Variants in ZNF536 observed in about 807,000 individuals in gnomAD.
ZNF536 encodes the protein zinc finger protein 536.
ZNF536 carries 13 observed loss-of-function variants against 84.5 expected under a neutral mutation model. The observed-to-expected ratio is 0.15, with a 90% CI of 0.10 to 0.24. The LOEUF (loss-of-function observed/expected upper bound fraction) is 0.24. Ranked by LOEUF, ZNF536 falls within the 10% of genes least tolerant of loss-of-function variation. ZNF536 has a pLI of 1.00. For synonymous variants in ZNF536, 811 were observed against 742.5 expected (o/e 1.09, Z -1.50); for missense variants, 1,536 against 1,747.5 (o/e 0.88, Z 2.16).
intron 2 of ZNF536, among the ~76,000 whole-genome samples, chr19:30,481,028 CAAAAA>C: frequency 8.8e-6 from 1 of 114,174 alleles, no homozygotes; most frequent in African/African-American, 2.8e-5. Flanking sequence ...GACCCTGTCT[CAAAAA>C]AAAAAAAAAA....
chr19:30,658,428 C>G (rs1047757574), intron 1 of ZNF536, among the ~76,000 whole-genome samples: 1 of 152,152 alleles, frequency 6.6e-6, no homozygotes, highest in Non-Finnish European at 1.5e-5. Flanking sequence ...CTGCTCCAAC[C>G]CACAGATCTT....
chr19:30,362,936 G>A (rs1380422769), intron 3 of ZNF536, among the ~76,000 whole-genome samples: 3 of 152,088 alleles, frequency 2.0e-5, no homozygotes, highest in Admixed American at 1.3e-4. Flanking sequence ...GTGCGTGCCT[G>A]TAGTCTCAGC....
Position 30,534,881 on chromosome 19 carries a change from C to G in ZNF536, c.2205C>G (p.Val735=), listed in dbSNP as rs948570135. 1 of 1,613,664 alleles carries G rather than the reference C, an allele frequency of 6.2e-7. No homozygotes were observed. Among genetic ancestry groups the G allele is most frequent in the Non-Finnish European group, 8.5e-7 (1 of 1,179,718 alleles). Residue 735 remains valine, a synonymous_variant, in exon 3 of 5, where the codon GTC becomes GTG. Transcript: ENST00000355537. Reference sequence around the variant, plus strand: ...AGGAGGCTGGGAGATCTGCCGGCGTCCAGCAACCAGCGCTGCTTCGCGACA... The same window carrying G: ...AGGAGGCTGGGAGATCTGCCGGCGTGCAGCAACCAGCGCTGCTTCGCGACA... ...IGEEAGRSAG[V]QQPALLRDRS...
At chr19:30,335,741 C>T (rs1224809199) in intron 2 of ZNF536, among the ~76,000 whole-genome samples, 2 of 152,178 alleles carry the variant, frequency 1.3e-5, no homozygotes, top group Non-Finnish European at 2.9e-5. Flanking sequence ...GAATCTTCCT[C>T]GCCAGGGCTG....
intron 1 of ZNF536, among the ~76,000 whole-genome samples, chr19:30,401,112 G>C (rs953872504): frequency 6.6e-6 from 1 of 152,058 alleles, no homozygotes; most frequent in African/African-American, 2.4e-5. Context: ...AGCTCCATTT[G>C]CTGCAAAAAA....
chr19:30,299,902 T>C (rs1043413678), intron 2 of ZNF536, among the ~76,000 whole-genome samples: 1 of 152,184 alleles, frequency 6.6e-6, no homozygotes, highest in African/African-American at 2.4e-5. Flanking sequence ...AAAGCCTTTT[T>C]TGAAAAATCA....
At chr19:30,352,410 C>G (rs993856975) in exon 3 of ZNF536, 2 of 152,218 alleles carry the variant, frequency 1.3e-5, no homozygotes, top group African/African-American at 4.8e-5. Context: ...GTGCCTGCAC[C>G]AACTTTATCC....
At chr19:30,473,037 CAAAAAA>C (rs57627848) in intron 2 of ZNF536, among the ~76,000 whole-genome samples, 1 of 107,372 alleles carries the variant, frequency 9.3e-6, no homozygotes. Flanking sequence ...ACTAAGAATA[CAAAAAA>C]AAAAAAAAAA....
chr19:30,568,935 T>C (rs756087478), intron 1 of ZNF536, among the ~76,000 whole-genome samples: 2 of 152,190 alleles, frequency 1.3e-5, no homozygotes, highest in Non-Finnish European at 2.9e-5. Flanking sequence ...TGAAAATAAG[T>C]TGGGCCCTCT....
At position 30,485,512 on chromosome 19, in the gene ZNF536, G is replaced by T. The variant is rs143039784; in HGVS notation, c.2170+39780G>T. ...CACTATAGATTTACTGATTCTGGAC[G>T]TCTACTTGCTGTTCTTAAAGCTCAT... On this transcript the variant is annotated intron_variant, in intron 2 of 4. Coordinates refer to ENST00000355537, the MANE Select transcript of ZNF536 (RefSeq NM_014717.3). Among the ~76,000 whole-genome samples, 63 of 152,132 alleles carry T rather than the reference G, an allele frequency of 4.1e-4. 1 individual carries two copies. In the East Asian group the frequency reaches 0.012, roughly 28 times the overall value.
intron 1 of ZNF536, among the ~76,000 whole-genome samples, chr19:30,687,084 A>G (rs1208001241): frequency 2.0e-5 from 3 of 152,146 alleles, no homozygotes; most frequent in African/African-American, 7.2e-5. Flanking sequence ...ACTGTGGGCA[A>G]GACAGGCTGT....
chr19:30,535,708 T>A (rs2045045541), intron 3 of ZNF536, among the ~76,000 whole-genome samples: 1 of 151,632 alleles, frequency 6.6e-6, no homozygotes, highest in African/African-American at 2.4e-5. Flanking sequence ...GCTTGTTGCT[T>A]GCACATTGCC....
intron 1 of ZNF536, among the ~76,000 whole-genome samples, chr19:30,247,350 A>C (rs1456210899): frequency 6.6e-6 from 1 of 152,182 alleles, no homozygotes; most frequent in Non-Finnish European, 1.5e-5. Flanking sequence ...GGAGGTGTGC[A>C]AGAGACCAAG....
At chr19:30,580,782 C>G (rs1056642093) in intron 1 of ZNF536, among the ~76,000 whole-genome samples, 1 of 152,188 alleles carries the variant, frequency 6.6e-6, no homozygotes, top group Non-Finnish European at 1.5e-5. Context: ...TCACCAGGGT[C>G]TCCACAGTGG....
intron 2 of ZNF536, among the ~76,000 whole-genome samples, chr19:30,508,862 C>G (rs1397466933): frequency 4.4e-5 from 5 of 113,848 alleles, no homozygotes; most frequent in Non-Finnish European, 8.3e-5. Context: ...GGGTCTTGCT[C>G]TGTCACCCAG....
At chr19:30,613,945 C>G (rs7259086) in intron 1 of ZNF536, among the ~76,000 whole-genome samples, 57,474 of 152,082 alleles carry the variant, frequency 0.38, 11,052 homozygotes, top group Middle Eastern at 0.48. Flanking sequence ...TCACTGCAAC[C>G]TCCGCCTCCT....
intron 1 of ZNF536, among the ~76,000 whole-genome samples, chr19:30,405,133 C>A (rs1300100284): frequency 6.6e-6 from 1 of 152,152 alleles, no homozygotes; most frequent in Non-Finnish European, 1.5e-5. Flanking sequence ...CTCCCAGAAC[C>A]CAGTCCTCTT....
chr19:30,547,998 CT>C lies in ZNF536; in HGVS notation c.2381del (p.Leu794Ter). 6.2e-7 allele frequency: 1 copy of C among 1,607,802 alleles called. No homozygotes were observed. The highest frequency in any genetic ancestry group is 8.5e-7 in the Non-Finnish European group (1 of 1,176,996). ...ACTATGCCGGCACGCAGTCAGCATC[CT>C]TAAAATACCACTTAGAGCGACACCA... Reference protein sequence around the residue: ...CDYAGTQSASLKYHLERHHRE... With the variant: ...CDYAGTQSASXKYHLERHHRE... On this transcript the variant is annotated frameshift_variant, in exon 4 of 5. Coordinates refer to ENST00000355537, the MANE Select transcript of ZNF536 (RefSeq NM_014717.3). LOFTEE classifies it high-confidence loss of function.
intron 2 of ZNF536, among the ~76,000 whole-genome samples, chr19:30,520,913 G>T (rs1393486353): frequency 6.6e-6 from 1 of 152,318 alleles, no homozygotes; most frequent in East Asian, 1.9e-4. Context: ...ACACAGCTCG[G>T]AAGTGGCCTC....
Sources: allele counts gnomAD v4.1 joint callset (sites outside exome capture counted in the v4.1 genomes callset), GRCh38; gene constraint gnomAD v4.1.1; transcripts MANE v1.5; gene names NCBI Gene and HGNC (gene_info 2026-07-23, HGNC 2026-07-21).